The following AP2B1 variants were observed in gnomAD, a reference collection of about 807,000 sequenced individuals.
AP2B1 encodes the protein adaptor related protein complex 2 subunit beta 1, also known as AP-2 complex subunit beta.
Under a neutral mutation model 102.0 loss-of-function variants are expected in AP2B1, and 23 were observed. The ratio of observed to expected loss-of-function variants is 0.23; its 90% CI spans 0.16 to 0.32. AP2B1 has a LOEUF of 0.32. Among genes scored for constraint, AP2B1 ranks in the 10% least tolerant of loss-of-function variants. The pLI, the probability that AP2B1 is intolerant of heterozygous loss-of-function variation, is 1.00. For synonymous variants in AP2B1, 381 were observed against 421.2 expected, an observed-to-expected ratio of 0.90 and a Z score of 1.17; for missense variants, 541 against 1,157.4, an observed-to-expected ratio of 0.47 and a Z score of 7.73.
intron 18 of AP2B1, among the ~76,000 whole-genome samples, chr17:35,694,674 G>A (rs937103904): frequency 1.3e-5 from 2 of 152,058 alleles, no homozygotes; most frequent in African/African-American, 4.8e-5. Flanking sequence ...TCAGGAGTTC[G>A]AGACCAGCCT....
intron 18 of AP2B1, among the ~76,000 whole-genome samples, chr17:35,696,805 A>G (rs2076149635): frequency 6.6e-6 from 1 of 152,150 alleles, no homozygotes. Context: ...ATTATTTATT[A>G]CCACCTCCTG....
intron 12 of AP2B1, among the ~76,000 whole-genome samples, chr17:35,643,287 A>G (rs987035726): frequency 6.6e-6 from 1 of 152,228 alleles, no homozygotes; most frequent in Non-Finnish European, 1.5e-5. Context: ...AAGTGGTCAC[A>G]TAGAATGACA....
intron 12 of AP2B1, among the ~76,000 whole-genome samples, chr17:35,645,482 A>G (rs1183280171): frequency 6.6e-6 from 1 of 152,212 alleles, no homozygotes; most frequent in African/African-American, 2.4e-5. Context: ...CTGAGGCTTC[A>G]TTTCAAAAAT....
chr17:35,662,241 T>C (rs1456801696), intron 14 of AP2B1, among the ~76,000 whole-genome samples: 1 of 152,236 alleles, frequency 6.6e-6, no homozygotes, highest in East Asian at 1.9e-4. Flanking sequence ...AATGGATTTC[T>C]ACCTATTCTT....
chr17:35,642,691 A>C (rs1283241805), intron 12 of AP2B1, among the ~76,000 whole-genome samples: 1 of 152,184 alleles, frequency 6.6e-6, no homozygotes, highest in African/African-American at 2.4e-5. Context: ...CTGCAAATGG[A>C]ATATGATTCA....
chr17:35,587,674 G>A, intron 1 of AP2B1: 1 of 152,970 alleles, frequency 6.5e-6, no homozygotes, highest in Non-Finnish European at 1.5e-5. Flanking sequence ...GTAGTTGGGG[G>A]CAGGAGGGGA....
intron 13 of AP2B1, among the ~76,000 whole-genome samples, chr17:35,651,724 A>C (rs1203348306): frequency 6.6e-6 from 1 of 152,014 alleles, no homozygotes; most frequent in Non-Finnish European, 1.5e-5. Context: ...GAAAAAAAAA[A>C]CAGCAATACC....
intron 5 of AP2B1, among the ~76,000 whole-genome samples, chr17:35,613,073 T>C (rs1224841783): frequency 2.0e-5 from 3 of 151,580 alleles, no homozygotes; most frequent in Admixed American, 6.6e-5. Context: ...GAGTCCTTAT[T>C]TTACTGCTCT....
chr17:35,694,554 CCCAG>C (rs1256127468), intron 18 of AP2B1, among the ~76,000 whole-genome samples: 2 of 151,972 alleles, frequency 1.3e-5, no homozygotes, highest in African/African-American at 4.8e-5. Flanking sequence ...AGCCACCGCA[CCCAG>C]CCTAAATGTA....
chr17:35,653,638 T>TAGG (rs1403993447), intron 13 of AP2B1, among the ~76,000 whole-genome samples: 2 of 152,146 alleles, frequency 1.3e-5, no homozygotes, highest in Non-Finnish European at 2.9e-5. Context: ...CACACCCAGC[T>TAGG]AATTTTTTTG....
intron 3 of AP2B1, 67 bp from the exon 4 acceptor site, chr17:35,605,638 G>T: frequency 8.8e-7 from 1 of 1,133,482 alleles, no homozygotes. Flanking sequence ...GGCTATTCAT[G>T]TTCTGTCCAA....
At position 35,711,722 on chromosome 17, in the gene AP2B1, C is replaced by T. The variant is rs587698387; in HGVS notation, c.2626+1402C>T. On this transcript the variant is annotated intron_variant, in intron 20 of 21. Coordinates refer to ENST00000610402, the MANE Select transcript of AP2B1 (RefSeq NM_001030006.2). ...TCCTGACCTTGTGATCCGCCCGCCT[C>T]GGCCTCCCAAAGTGCTGGGATTACA... 7.9e-5 allele frequency among the ~76,000 whole-genome samples: 12 copies of T among 152,340 alleles called. No individual in the cohort carries two copies. The East Asian group carries it at 1.3e-3, about 17-fold the overall frequency.
At chr17:35,635,300 C>A (rs2074574612) in intron 9 of AP2B1, among the ~76,000 whole-genome samples, 1 of 152,162 alleles carries the variant, frequency 6.6e-6, no homozygotes, top group South Asian at 2.1e-4. Flanking sequence ...GTAATCCACC[C>A]ACCTCTCACC....
At chr17:35,614,987 C>A (rs890973174) in intron 5 of AP2B1, among the ~76,000 whole-genome samples, 3 of 152,226 alleles carry the variant, frequency 2.0e-5, no homozygotes, top group Admixed American at 1.3e-4. Flanking sequence ...GGTTGTCAAA[C>A]CTGATGGGAG....
intron 18 of AP2B1, among the ~76,000 whole-genome samples, chr17:35,704,615 G>A (rs1011391670): frequency 2.0e-5 from 3 of 152,164 alleles, no homozygotes; most frequent in Non-Finnish European, 2.9e-5. Flanking sequence ...AATTGTATGC[G>A]TTGGGTGCTG....
At chr17:35,717,963 A>G (rs1029044179) in intron 21 of AP2B1, among the ~76,000 whole-genome samples, 1 of 152,228 alleles carries the variant, frequency 6.6e-6, no homozygotes, top group Non-Finnish European at 1.5e-5. Flanking sequence ...CAGCAGATTG[A>G]TAGCCAAGCA....
At chr17:35,669,660 A>G (rs1427151350) in intron 14 of AP2B1, among the ~76,000 whole-genome samples, 1 of 152,196 alleles carries the variant, frequency 6.6e-6, no homozygotes, top group Non-Finnish European at 1.5e-5. Context: ...CTATTTTTCA[A>G]TATTTAAGAT....
At position 35,725,610 on chromosome 17, in the gene AP2B1, T is replaced by C. The variant is rs1447731149; in HGVS notation, c.*1911T>C. On this transcript the variant is annotated 3_prime_UTR_variant, in exon 22 of 22. Coordinates refer to ENST00000610402, the MANE Select transcript of AP2B1 (RefSeq NM_001030006.2). Reference sequence around the variant, plus strand: ...AAGCACATGGCAGTAGGAAACAGCATAGGATTGTATGTGGGAGGTGGATAG... The same window carrying C: ...AAGCACATGGCAGTAGGAAACAGCACAGGATTGTATGTGGGAGGTGGATAG... The C allele has an allele frequency of 1.3e-5, 2 of 152,436 alleles. No individual in the cohort carries two copies. Among genetic ancestry groups the C allele is most frequent in the African/African-American group, 4.8e-5 (2 of 41,388 alleles). 9.4% of individuals were successfully genotyped at this position (152,436 alleles called of 1,614,324 possible).
At chr17:35,670,800 A>G in intron 14 of AP2B1, 57 bp from the exon 15 acceptor site, 3 of 1,535,558 alleles carry the variant, frequency 2.0e-6, no homozygotes, top group Non-Finnish European at 2.7e-6. Context: ...ATGGGCATCT[A>G]GTATTTAGCT....
Sources: gnomAD v4.1 joint callset for allele counts (sites outside exome capture counted in the v4.1 genomes callset) on GRCh38, gnomAD v4.1.1 for gene constraint, MANE v1.5 for transcripts, NCBI Gene and HGNC (gene_info 2026-07-23, HGNC 2026-07-21) for gene names.